LY6K: variants seen among roughly 807,000 people sequenced by gnomAD.
LY6K encodes the protein lymphocyte antigen 6K.
LY6K carries 9 observed loss-of-function variants against 10.4 expected under a neutral mutation model. The observed-to-expected ratio is 0.87, with a 90% confidence interval of 0.52 to 1.52. LY6K has a LOEUF of 1.52. Ranked by LOEUF, LY6K falls within the 40% of genes most tolerant of loss-of-function variation. The pLI is 0.00. For missense variants in LY6K, 217 were observed against 211.7 expected (o/e 1.02, Z -0.15); for synonymous variants, 98 against 83.7 (o/e 1.17, Z -0.94).
intron 2 of LY6K, 151 bp from the exon 3 acceptor site, chr8:142,702,940 C>T (rs1554640382): frequency 4.5e-6 from 7 of 1,550,876 alleles, no homozygotes; most frequent in Non-Finnish European, 6.1e-6. Flanking sequence ...AGGCCTGGCC[C>T]TCGTCCTCCC....
At chr8:142,700,789 G>A (rs1258773540) in intron 1 of LY6K, among the ~76,000 whole-genome samples, 159 bp downstream of exon 1, 4 of 152,074 alleles carry the variant, frequency 2.6e-5, no homozygotes, top group Non-Finnish European at 5.9e-5. Context: ...GCCTCGTGCG[G>A]CTTCCACCAG....
At position 142,700,518 on chromosome 8, in the gene LY6K, G is replaced by C; in HGVS notation, c.-10G>C. Reference sequence around the variant, plus strand: ...CGCGCGCTGACCCTCCCTGGGCACCGCTGGGGACGATGGCGCTGCTCGCCT... The same window carrying C: ...CGCGCGCTGACCCTCCCTGGGCACCCCTGGGGACGATGGCGCTGCTCGCCT... On this transcript the variant is annotated 5_prime_UTR_variant, in exon 1 of 3. Coordinates refer to ENST00000292430, the MANE Select transcript of LY6K (RefSeq NM_017527.4). 6.4e-7 allele frequency: 1 copy of C among 1,571,840 alleles called. No individual in the cohort carries two copies.
At chr8:142,702,061 G>A (rs1302184687) in intron 2 of LY6K, 2 of 268,594 alleles carry the variant, frequency 7.4e-6, no homozygotes, top group East Asian at 9.6e-5. Context: ...ACCCGCCCTC[G>A]GCCCCCCAAA....
rs782124602 is a variant in LY6K, at chr8:142,703,204, T to A, written c.331T>A (p.Phe111Ile). ...TCTCCTGGAAGAGCCCATGCCCTTC[T>A]TTTACCTCAAGTGTTGTAAAATTCG... ...RFLLEEPMPF[F>I]YLKCCKIRYC... Residue 111 changes from phenylalanine (F) to isoleucine (I), a missense_variant, in exon 3 of 3, where the codon TTT becomes ATT. Transcript: ENST00000292430. 1 of 1,614,236 alleles carries A rather than the reference T, an allele frequency of 6.2e-7. No homozygotes were observed. Among genetic ancestry groups the A allele is most frequent in the South Asian group, 1.1e-5 (1 of 91,086 alleles).
At position 142,700,307 on chromosome 8, in the gene LY6K, G is replaced by GA; in HGVS notation, c.-220dup. On this transcript the variant is annotated 5_prime_UTR_variant, in exon 1 of 3. Coordinates refer to ENST00000292430, the MANE Select transcript of LY6K (RefSeq NM_017527.4). ...CCGCTCCAACAGCAGCACAAGGCGGGACTCAGAACCGGCGTTCAGGGCCGC... is the reference window on the plus strand; with the variant it reads ...CCGCTCCAACAGCAGCACAAGGCGGGAACTCAGAACCGGCGTTCAGGGCCGC... 7.8e-7 allele frequency: 1 copy of GA among 1,284,158 alleles called. No homozygotes were observed. The highest frequency in any genetic ancestry group is 9.9e-7 in the Non-Finnish European group (1 of 1,014,396). The allele number at this position is 1,284,158 out of a possible 1,614,324, so 79.5% of individuals were successfully genotyped here.
chr8:142,703,108 T>C lies in LY6K; in HGVS notation c.235T>C (p.Phe79Leu), dbSNP rs1448143539. 1 of 1,613,692 alleles carries C rather than the reference T, an allele frequency of 6.2e-7. No individual in the cohort carries two copies. Among genetic ancestry groups the C allele is most frequent in the Non-Finnish European group, 8.5e-7 (1 of 1,179,820 alleles). Residue 79 changes from phenylalanine to leucine, a missense_variant, in exon 3 of 3, where the codon TTC (phenylalanine) becomes CTC (leucine). Phe to Leu is a conservative substitution (Grantham distance 22). Transcript: ENST00000292430. ...CCTATTAGAAATATTTCCACGTTTT[T>C]TCATGGTTGCGAAGCAGTGCTCCGC... is the stretch of plus-strand genomic sequence containing the variant. ...IAAVKIFPRF[F>L]MVAKQCSAGC...
intron 2 of LY6K, chr8:142,702,390 T>C: frequency 8.7e-7 from 1 of 1,147,284 alleles, no homozygotes; most frequent in Non-Finnish European, 1.3e-6. Flanking sequence ...GTGCATGCCT[T>C]AAAAATTGTG....
At chr8:142,700,970 G>A (rs1233604418) in intron 1 of LY6K, among the ~76,000 whole-genome samples, 2 of 145,236 alleles carry the variant, frequency 1.4e-5, no homozygotes, top group Admixed American at 1.4e-4. Context: ...GCAGAGCTAG[G>A]CCAGGCCCAA....
intron 1 of LY6K, among the ~76,000 whole-genome samples, chr8:142,701,182 G>A (rs1459665869): frequency 6.6e-6 from 1 of 152,246 alleles, no homozygotes; most frequent in Non-Finnish European, 1.5e-5. Context: ...GAGTGGGGGT[G>A]CGCTGTGCGC....
Position 142,700,375 on chromosome 8 carries a change from C to G in LY6K, c.-153C>G. On this transcript the variant is annotated 5_prime_UTR_variant, in exon 1 of 3. Transcript: ENST00000292430. ...TGAGATGAGGCTCCAAAGACCCCGA[C>G]AGGCCCCGGCGGGTGGGAGGCGCGC... The G allele has an allele frequency of 7.5e-7, 1 of 1,337,360 alleles. No homozygotes were observed. The highest frequency in any genetic ancestry group is 2.8e-4 in the Middle Eastern group (1 of 3,562). The allele number at this position is 1,337,360 out of a possible 1,614,324, so 82.8% of individuals were successfully genotyped here.
rs139948815 is a variant in LY6K at position 142,702,803 on chromosome 8, C to G, written c.218-288C>G. The G allele has an allele frequency of 9.8e-5, 147 of 1,495,798 alleles. 1 individual carries two copies. In the African/African-American group the frequency reaches 1.9e-3, roughly 19 times the overall value. 92.7% of individuals were successfully genotyped at this position (1,495,798 alleles called of 1,614,324 possible). On this transcript the variant is annotated intron_variant, in intron 2 of 2. Coordinates refer to ENST00000292430, the MANE Select transcript of LY6K (RefSeq NM_017527.4). Reference sequence around the variant, plus strand: ...CTGTGGTCACAAAGGCCTGAGCCAACCCTGTGTTTGAGAAGTTGAGACCTG... The same window carrying G: ...CTGTGGTCACAAAGGCCTGAGCCAAGCCTGTGTTTGAGAAGTTGAGACCTG...
Position 142,700,433 on chromosome 8 carries a change from C to G in LY6K, c.-95C>G. 7.0e-7 allele frequency: 1 copy of G among 1,428,686 alleles called. No homozygotes were observed. Among genetic ancestry groups the G allele is most frequent in the Admixed American group, 2.8e-5 (1 of 35,398 alleles). The allele number at this position is 1,428,686 out of a possible 1,614,324, so 88.5% of individuals were successfully genotyped here. On this transcript the variant is annotated 5_prime_UTR_variant, in exon 1 of 3. Coordinates refer to ENST00000292430, the MANE Select transcript of LY6K (RefSeq NM_017527.4). ...GGCGGGCGGGGCTCCCCCTACCGGC[C>G]AGACCCGGGGAGAGGCGCGCGGAGG...
In LY6K at chr8:142,703,354, G is replaced by A. The variant is rs144411665; in HGVS notation, c.481G>A (p.Gly161Ser). Residue 161 changes from glycine to serine, a missense_variant, in exon 3 of 3, where the codon GGC (glycine) becomes AGC (serine). Transcript: ENST00000292430. ...ILLLLASIAAGLSLS is the reference protein window; with the variant it reads ...ILLLLASIAASLSLS ...CCTGCTGCTGGCCTCCATTGCAGCCGGCCTCAGCCTGTCTTGAGCCACGGG... is the reference window on the plus strand; with the variant it reads ...CCTGCTGCTGGCCTCCATTGCAGCCAGCCTCAGCCTGTCTTGAGCCACGGG... 3.5e-5 allele frequency: 56 copies of A among 1,610,716 alleles called. No homozygotes were observed. Among genetic ancestry groups the A allele is most frequent in the South Asian group, 2.4e-4 (22 of 90,996 alleles).
chr8:142,700,472 A>T lies in LY6K; in HGVS notation c.-56A>T, dbSNP rs782643010. 2.0e-6 allele frequency: 3 copies of T among 1,527,362 alleles called. No individual in the cohort carries two copies. Among genetic ancestry groups the T allele is most frequent in the African/African-American group, 1.4e-5 (1 of 70,026 alleles). 94.6% of individuals were successfully genotyped at this position (1,527,362 alleles called of 1,614,324 possible). On this transcript the variant is annotated 5_prime_UTR_variant, in exon 1 of 3. Coordinates refer to ENST00000292430, the MANE Select transcript of LY6K (RefSeq NM_017527.4). ...GGCGCGCGGAGGCTGCGAAGGTTCC[A>T]GAAGGGCGGGGAGGGGGCGCCGCGC...
At position 142,703,661 on chromosome 8, in the gene LY6K, C is replaced by A; in HGVS notation, c.*290C>A. On this transcript the variant is annotated 3_prime_UTR_variant, in exon 3 of 3. Transcript: ENST00000292430. ...TGCTGATGGCCACTCTTTTCCTTGA[C>A]TCCCCTCTGCCTCTGAGGGCTTCAG... The A allele has an allele frequency of 4.9e-6, 2 of 405,708 alleles. No homozygotes were observed. The highest frequency in any genetic ancestry group is 3.3e-5 in the South Asian group (1 of 30,634). The allele number at this position is 405,708 out of a possible 1,614,324, so 25.1% of individuals were successfully genotyped here.
At position 142,700,520 on chromosome 8, in the gene LY6K, T is replaced by G. The variant is rs1429142678; in HGVS notation, c.-8T>G. The G allele has an allele frequency of 8.9e-6, 14 of 1,573,378 alleles. No individual in the cohort carries two copies. Among genetic ancestry groups the G allele is most frequent in the Middle Eastern group, 3.3e-4 (2 of 5,990 alleles). ...CGCGCTGACCCTCCCTGGGCACCGC[T>G]GGGGACGATGGCGCTGCTCGCCTTG... On this transcript the variant is annotated 5_prime_UTR_variant, in exon 1 of 3. Coordinates refer to ENST00000292430, the MANE Select transcript of LY6K (RefSeq NM_017527.4).
intron 1 of LY6K, 115 bp from the exon 2 acceptor site, chr8:142,701,485 C>A: frequency 1.4e-6 from 1 of 699,472 alleles, no homozygotes; most frequent in Non-Finnish European, 2.6e-6. Flanking sequence ...AGCCACTGCT[C>A]AGGGGGAGAA....
In LY6K at chr8:142,702,870, C is replaced by CATAT. The variant is rs1283423220; in HGVS notation, c.218-220_218-217dup. On this transcript the variant is annotated intron_variant, in intron 2 of 2. Transcript: ENST00000292430. ...AACCCCTAGACCCGCATTCCCAGTGCATATGGACAGGCCATACCACGCAGA... is the reference window on the plus strand; with the variant it reads ...AACCCCTAGACCCGCATTCCCAGTGCATATATATGGACAGGCCATACCACGCAGA... The CATAT allele has an allele frequency of 1.9e-6, 3 of 1,545,434 alleles. No homozygotes were observed. The Admixed American group carries it at 5.9e-5, about 31-fold the overall frequency.
chr8:142,701,474 C>A, intron 1 of LY6K, 126 bp from the exon 2 acceptor site: 1 of 672,158 alleles, frequency 1.5e-6, no homozygotes, highest in Non-Finnish European at 2.7e-6. Flanking sequence ...CATGTGGCCC[C>A]AGCCACTGCT....
Sources: gnomAD v4.1 joint callset for allele counts (sites outside exome capture counted in the v4.1 genomes callset) on GRCh38, gnomAD v4.1.1 for gene constraint, MANE v1.5 for transcripts, NCBI Gene and HGNC (gene_info 2026-07-23, HGNC 2026-07-21) for gene names.